KATNIP: variants seen among roughly 807,000 people sequenced by gnomAD.
KATNIP encodes katanin interacting protein.
KATNIP carries 126 observed loss-of-function variants against 174.0 expected under a neutral mutation model. That is an observed-to-expected ratio of 0.72 (90% confidence interval 0.63 to 0.84). KATNIP has a LOEUF of 0.84. Ranked by LOEUF, KATNIP falls within the 40% of genes least tolerant of loss-of-function variation. The pLI is 0.00. For missense variants in KATNIP, 1,958 were observed against 2,109.7 expected, an observed-to-expected ratio of 0.93 and a Z score of 1.41; for synonymous variants, 810 against 835.7, an observed-to-expected ratio of 0.97 and a Z score of 0.53.
rs2075537328 is a variant in KATNIP, at chr16:27,601,853, TCAGA to T, written c.64-16568_64-16565del. Among the ~76,000 whole-genome samples the T allele has an allele frequency of 2.6e-5, 4 of 152,276 alleles. No homozygotes were observed. In the South Asian group the frequency reaches 8.3e-4, roughly 32 times the overall value. On this transcript the variant is annotated intron_variant, in intron 2 of 27. Coordinates refer to ENST00000261588, the MANE Select transcript of KATNIP (RefSeq NM_015202.5). ...GGGGTGTGGGGGAATGATCATCTAC[TCAGA>T]CAGCCCTGCCTGCTGGGCTGGTGGT... is the stretch of plus-strand genomic sequence containing the variant.
At chr16:27,570,879 G>A (rs2090265549) in intron 1 of KATNIP, among the ~76,000 whole-genome samples, 1 of 152,222 alleles carries the variant, frequency 6.6e-6, no homozygotes, top group South Asian at 2.1e-4. Flanking sequence ...GTGAGAAAGG[G>A]AGGGACACGG....
At position 27,759,203 on chromosome 16, in the gene KATNIP, C is replaced by T. The variant is rs1220324623; in HGVS notation, c.3632-2210C>T. Among the ~76,000 whole-genome samples the T allele has an allele frequency of 3.9e-5, 6 of 152,340 alleles. No homozygotes were observed. The East Asian group carries it at 9.6e-4, about 24-fold the overall frequency. The stretch of plus-strand genomic sequence containing the variant: ...CCAGCAGAGTCCTGGCCTCAGGGAA[C>T]TTCCGTCTTAGTGGGGGAGACTGAT... On this transcript the variant is annotated intron_variant, in intron 18 of 27. Transcript: ENST00000261588.
At chr16:27,550,869 A>G (rs971942512) in intron 1 of KATNIP, among the ~76,000 whole-genome samples, 1 of 152,166 alleles carries the variant, frequency 6.6e-6, no homozygotes, top group African/African-American at 2.4e-5. Context: ...GGAGCTTGAG[A>G]TTTGGACCGG....
intron 1 of KATNIP, among the ~76,000 whole-genome samples, chr16:27,550,590 G>C (rs1319101536): frequency 1.3e-5 from 2 of 152,140 alleles, no homozygotes; most frequent in African/African-American, 4.8e-5. Context: ...GGGGTGAAGG[G>C]AGTTTAGGAA....
chr16:27,701,733 G>A (rs1245042584), intron 11 of KATNIP, 38 bp downstream of exon 11: 3 of 1,400,964 alleles, frequency 2.1e-6, no homozygotes, highest in South Asian at 1.2e-5. Context: ...AAACCCCTTA[G>A]CAGTGCAGCC....
chr16:27,606,480 C>T (rs2075708299), intron 2 of KATNIP, among the ~76,000 whole-genome samples: 1 of 142,392 alleles, frequency 7.0e-6, no homozygotes, highest in Non-Finnish European at 1.5e-5. Context: ...CTCTCTCATA[C>T]ACACACACAC....
chr16:27,666,195 T>G (rs1377030760), intron 6 of KATNIP, among the ~76,000 whole-genome samples: 1 of 152,202 alleles, frequency 6.6e-6, no homozygotes, highest in African/African-American at 2.4e-5. Flanking sequence ...AGACAAAGAT[T>G]GTTTTGGTTT....
chr16:27,698,291 T>A, intron 8 of KATNIP, 37 bp from the exon 9 acceptor site: 1 of 1,575,854 alleles, frequency 6.3e-7, no homozygotes, highest in Non-Finnish European at 8.6e-7. Context: ...TCCGAGAATA[T>A]AATCTAAAAG....
At chr16:27,709,572 G>T (rs1196806992) in intron 13 of KATNIP, among the ~76,000 whole-genome samples, 1 of 152,194 alleles carries the variant, frequency 6.6e-6, no homozygotes, top group African/African-American at 2.4e-5. Context: ...ACAGTAAGCC[G>T]AGATTGCAGT....
At chr16:27,670,368 C>T (rs1483953649) in intron 6 of KATNIP, among the ~76,000 whole-genome samples, 4 of 152,218 alleles carry the variant, frequency 2.6e-5, no homozygotes, top group South Asian at 2.1e-4. Context: ...GTGGCTACAG[C>T]GCTTACCATT....
chr16:27,618,582 T>G (rs1467459874), intron 3 of KATNIP, 81 bp downstream of exon 3: 38 of 981,944 alleles, frequency 3.9e-5, no homozygotes, highest in Non-Finnish European at 6.0e-5. Context: ...AGGCAGGCCC[T>G]GCCTCACATA....
rs542180452 is a variant in KATNIP, at chr16:27,693,447, G to C, written c.941-4881G>C. Reference sequence around the variant, plus strand: ...TCTGTGGCCCAGGCTGGAGTGCCGTGGCATGATCTCGACTTACTGCAACTT... The same window carrying C: ...TCTGTGGCCCAGGCTGGAGTGCCGTCGCATGATCTCGACTTACTGCAACTT... On this transcript the variant is annotated intron_variant, in intron 8 of 27. Transcript: ENST00000261588. Among the ~76,000 whole-genome samples the C allele has an allele frequency of 1.1e-4, 16 of 152,158 alleles. No individual in the cohort carries two copies. In the South Asian group the frequency reaches 3.3e-3, roughly 32 times the overall value.
rs183827741 is a variant in KATNIP at position 27,778,674 on chromosome 16, G to A, written c.*45G>A. 404 of 1,577,092 alleles carry A rather than the reference G, an allele frequency of 2.6e-4. 1 individual carries two copies. The highest frequency in any genetic ancestry group is 1.9e-3 in the African/African-American group (139 of 74,280). ...TGGTCCTCCCACTATGGTGGGCTCC[G>A]TCAGCAGCCCCACTCAGTGCCTGCG... On this transcript the variant is annotated 3_prime_UTR_variant, in exon 28 of 28. Transcript: ENST00000261588.
chr16:27,656,908 G>A (rs980713484), intron 6 of KATNIP, among the ~76,000 whole-genome samples: 11 of 149,698 alleles, frequency 7.3e-5, no homozygotes, highest in African/African-American at 2.2e-4. Context: ...TGCACAATGT[G>A]CACATGTACC....
At chr16:27,716,926 C>A (rs991060606) in intron 13 of KATNIP, among the ~76,000 whole-genome samples, 1 of 152,040 alleles carries the variant, frequency 6.6e-6, no homozygotes, top group African/African-American at 2.4e-5. Flanking sequence ...CTCACTGCAA[C>A]CTCCACCTCC....
chr16:27,745,121 A>G (rs2081241699), intron 15 of KATNIP, among the ~76,000 whole-genome samples: 2 of 152,220 alleles, frequency 1.3e-5, no homozygotes, highest in Admixed American at 1.3e-4. Context: ...AAGTATTTTC[A>G]TCAGGGGTCA....
At chr16:27,673,044 A>G (rs1341283779) in intron 6 of KATNIP, among the ~76,000 whole-genome samples, 1 of 152,152 alleles carries the variant, frequency 6.6e-6, no homozygotes, top group African/African-American at 2.4e-5. Context: ...GGCTGCAGAG[A>G]GAGGGATGTG....
intron 1 of KATNIP, among the ~76,000 whole-genome samples, chr16:27,572,299 A>C (rs1397090153): frequency 6.6e-6 from 1 of 151,160 alleles, no homozygotes; most frequent in Non-Finnish European, 1.5e-5. Flanking sequence ...TTACAGTGGT[A>C]CATTATGCTG....
At chr16:27,709,967 G>A (rs1195474825) in intron 13 of KATNIP, among the ~76,000 whole-genome samples, 1 of 152,144 alleles carries the variant, frequency 6.6e-6, no homozygotes, top group East Asian at 1.9e-4. Flanking sequence ...TTCATATCGG[G>A]CAGCCTGGGC....
Sources: gnomAD v4.1 joint callset for allele counts (sites outside exome capture counted in the v4.1 genomes callset) on GRCh38, gnomAD v4.1.1 for gene constraint, MANE v1.5 for transcripts, NCBI Gene and HGNC (gene_info 2026-07-23, HGNC 2026-07-21) for gene names.